The following PCNX1 variants were observed in gnomAD, a reference collection of about 807,000 sequenced individuals.
The protein encoded by PCNX1 is pecanex-like protein 1.
In PCNX1, 78 loss-of-function variants were observed where a neutral mutation model predicts 242.2. The ratio of observed to expected loss-of-function variants is 0.32; its 90% CI spans 0.27 to 0.39. The LOEUF (loss-of-function observed/expected upper bound fraction) is 0.39, where lower values mean the gene tolerates loss of function less well. Among genes scored for constraint, PCNX1 ranks in the 10% least tolerant of loss-of-function variants. The probability of loss-of-function intolerance (pLI) is 1.00; values close to 1 mark genes in which losing one functional copy is unlikely to be tolerated. For synonymous variants in PCNX1, 1,024 were observed against 1,032.9 expected (o/e 0.99, Z 0.17); for missense variants, 2,581 against 2,856.5 (o/e 0.90, Z 2.20).
intron 3 of PCNX1, among the ~76,000 whole-genome samples, chr14:70,963,885 G>A (rs2058296560): frequency 6.6e-6 from 1 of 152,128 alleles, no homozygotes. Flanking sequence ...CTGTTCTCTT[G>A]TGTGTTCATC....
intron 8 of PCNX1, among the ~76,000 whole-genome samples, chr14:71,001,089 C>T (rs1008961665): frequency 3.9e-5 from 6 of 152,034 alleles, no homozygotes; most frequent in African/African-American, 7.2e-5. Flanking sequence ...GAACAGTGCT[C>T]GACAATTGTA....
chr14:71,052,509 A>C (rs2061066679), intron 24 of PCNX1, among the ~76,000 whole-genome samples: 1 of 152,216 alleles, frequency 6.6e-6, no homozygotes, highest in Non-Finnish European at 1.5e-5. Context: ...CACTGTGCTC[A>C]GCCATTTTTT....
At chr14:70,985,513 C>G (rs991809708) in intron 6 of PCNX1, among the ~76,000 whole-genome samples, 4 of 152,300 alleles carry the variant, frequency 2.6e-5, no homozygotes, top group African/African-American at 9.6e-5. Flanking sequence ...TGCGCCAGGC[C>G]TGAAGGTTCC....
rs949774009 is a variant in PCNX1, at chr14:71,023,214, T to C, written c.3165T>C (p.Asp1055=). The stretch of plus-strand genomic sequence containing the variant: ...TTCATTTTTAGAGTGTTCAACCAGA[T>C]TCTTCTTCTCCCAGACATGTAAGTC... ...QYSLLKSVQP[D]SSSPRHGHNR... The change falls in exon 13 of 36, where the codon GAT becomes GAC. Residue 1055 remains aspartate (D), a synonymous_variant. Transcript: ENST00000304743. 1.9e-6 allele frequency: 3 copies of C among 1,606,168 alleles called. No individual in the cohort carries two copies. The highest frequency in any genetic ancestry group is 2.7e-5 in the African/African-American group (2 of 74,892).
chr14:71,067,918 TAAAAA>T (rs1044590739), intron 26 of PCNX1, among the ~76,000 whole-genome samples: 3 of 151,650 alleles, frequency 2.0e-5, no homozygotes, highest in Non-Finnish European at 4.4e-5. Context: ...GTTTCACAAT[TAAAAA>T]AAAGGCTTTG....
At chr14:71,014,427 C>T (rs2059905318) in intron 11 of PCNX1, among the ~76,000 whole-genome samples, 1 of 152,144 alleles carries the variant, frequency 6.6e-6, no homozygotes, top group South Asian at 2.1e-4. Context: ...CAGTTGAGAC[C>T]AAACTGTAGC....
chr14:70,907,844 G>A lies in PCNX1; in HGVS notation c.-7G>A, dbSNP rs781370095. Reference sequence around the variant, plus strand: ...GGCGGCGGCGACGGCGGCGGCGCCGGGTGGGGATGGGGTCGCAGACGCTGC... The same window carrying A: ...GGCGGCGGCGACGGCGGCGGCGCCGAGTGGGGATGGGGTCGCAGACGCTGC... On this transcript the variant is annotated 5_prime_UTR_variant, in exon 1 of 36. Coordinates refer to ENST00000304743, the MANE Select transcript of PCNX1 (RefSeq NM_014982.3). 4.1e-5 allele frequency: 54 copies of A among 1,309,924 alleles called. 2 individuals are homozygous for A. In the South Asian group the frequency reaches 1.4e-3, roughly 33 times the overall value. 81.1% of individuals were successfully genotyped at this position (1,309,924 alleles called of 1,614,324 possible). A position where few individuals can be genotyped will look rare whatever the true frequency, so the allele number is the denominator to read the frequency against.
chr14:71,063,124 A>G (rs1362510422), intron 26 of PCNX1, among the ~76,000 whole-genome samples: 3 of 152,188 alleles, frequency 2.0e-5, no homozygotes, highest in African/African-American at 4.8e-5. Context: ...TAGTTATGCA[A>G]CATGTGACTG....
chr14:71,062,461 T>TA (rs2061350484), intron 26 of PCNX1, among the ~76,000 whole-genome samples: 2 of 151,794 alleles, frequency 1.3e-5, no homozygotes, highest in Non-Finnish European at 2.9e-5. Context: ...TAAAACATTT[T>TA]AAAATGTTTA....
intron 1 of PCNX1, among the ~76,000 whole-genome samples, chr14:70,939,759 A>T (rs1170968473): frequency 6.6e-6 from 1 of 152,044 alleles, no homozygotes. Context: ...ATTGTGTGGG[A>T]GTCTAAGTCT....
At chr14:71,101,731 T>C (rs1250875866) in intron 30 of PCNX1, among the ~76,000 whole-genome samples, 2 of 151,856 alleles carry the variant, frequency 1.3e-5, no homozygotes, top group African/African-American at 4.8e-5. Context: ...ACAAAACACA[T>C]AAAAACCAGA....
At chr14:71,037,809 C>T (rs1392838211) in intron 19 of PCNX1, among the ~76,000 whole-genome samples, 7 of 150,200 alleles carry the variant, frequency 4.7e-5, no homozygotes, top group Non-Finnish European at 1.0e-4. Context: ...CATCACACTA[C>T]CTGACTTCAA....
At position 70,912,628 on chromosome 14, in the gene PCNX1, C is replaced by T. The variant is rs534256352; in HGVS notation, c.153+4625C>T. Among the ~76,000 whole-genome samples the T allele has an allele frequency of 3.9e-4, 59 of 151,980 alleles. 1 individual carries two copies. The South Asian group carries it at 0.012, about 31-fold the overall frequency. ...GTATCTAGTTGCTTATCCCCCACCC[C>T]TTGCTTTTGAGCAAATCTTACCACT... is the stretch of plus-strand genomic sequence containing the variant. On this transcript the variant is annotated intron_variant, in intron 1 of 35. Transcript: ENST00000304743.
intron 1 of PCNX1, 46 bp from the exon 2 acceptor site, chr14:70,946,869 T>A (rs775356729): frequency 8.2e-7 from 1 of 1,220,042 alleles, no homozygotes; most frequent in Non-Finnish European, 1.2e-6. Flanking sequence ...TTGAATACGA[T>A]ATAAAATATT....
intron 2 of PCNX1, among the ~76,000 whole-genome samples, chr14:70,947,651 A>G (rs1797983142): frequency 6.6e-6 from 1 of 152,014 alleles, no homozygotes; most frequent in Non-Finnish European, 1.5e-5. Context: ...TCCTGTGATG[A>G]TTGCGTTGTC....
intron 30 of PCNX1, chr14:71,092,532 G>A (rs1267762451): frequency 6.6e-6 from 1 of 152,316 alleles, no homozygotes. Context: ...CAGCAGACAA[G>A]TTCCCAGATG....
chr14:70,948,845 A>T lies in PCNX1; in HGVS notation c.362+1722A>T, dbSNP rs57165551. On this transcript the variant is annotated intron_variant, in intron 2 of 35. Coordinates refer to ENST00000304743, the MANE Select transcript of PCNX1 (RefSeq NM_014982.3). ...TTATTTACTCGTATAAATAAAATGT[A>T]TGTGTGTATATATACACATATGTAT... 8.5e-3 allele frequency among the ~76,000 whole-genome samples: 1,260 copies of T among 147,780 alleles called. 26 individuals are homozygous for T. The highest frequency in any genetic ancestry group is 0.03 in the African/African-American group (1,189 of 40,304).
Position 71,026,816 on chromosome 14 carries a change from C to T in PCNX1, c.3400C>T (p.Pro1134Ser), listed in dbSNP as rs762092386. The T allele has an allele frequency of 6.3e-7, 1 of 1,583,264 alleles. No individual in the cohort carries two copies. Among genetic ancestry groups the T allele is most frequent in the Non-Finnish European group, 8.7e-7 (1 of 1,153,406 alleles). Reference protein sequence around the residue: ...FPIVFFIGLLPQVNTFVMYLC... With the variant: ...FPIVFFIGLLSQVNTFVMYLC... ...AATAGTGTTTTTCATTGGTCTCCTG[C>T]CTCAGGTGAATACATTTGTAATGTA... Residue 1134 changes from proline (P) to serine (S), a missense_variant, in exon 15 of 36, where the codon CCT becomes TCT. By Grantham distance (74) the Pro-to-Ser change is moderately conservative. Coordinates refer to ENST00000304743, the MANE Select transcript of PCNX1 (RefSeq NM_014982.3).
chr14:70,967,707 A>G (rs2058422046), intron 3 of PCNX1, among the ~76,000 whole-genome samples: 1 of 152,194 alleles, frequency 6.6e-6, no homozygotes, highest in Non-Finnish European at 1.5e-5. Flanking sequence ...CCAACTAAAG[A>G]AGGTACATAA....
Sources: allele counts gnomAD v4.1 joint callset (sites outside exome capture counted in the v4.1 genomes callset), GRCh38; gene constraint gnomAD v4.1.1; transcripts MANE v1.5; gene names NCBI Gene and HGNC (gene_info 2026-07-23, HGNC 2026-07-21).